PLAGL1: variants seen among roughly 807,000 people sequenced by gnomAD.
PLAGL1 encodes the protein zinc finger protein PLAGL1.
PLAGL1 carries 1 observed loss-of-function variant against 4.6 expected under a neutral mutation model. That is an observed-to-expected ratio of 0.22 (90% CI 0.08 to 1.03). The LOEUF is 1.03. PLAGL1 is among the 50% of genes least tolerant of loss of function. The probability of loss-of-function intolerance (pLI) is 0.58; values close to 1 mark genes in which losing one functional copy is unlikely to be tolerated. For missense variants in PLAGL1, 464 were observed against 570.4 expected (o/e 0.81, Z 1.90); for synonymous variants, 240 against 237.8 (o/e 1.01, Z -0.08).
At chr6:143,943,789 A>G (rs1779161244) in intron 7 of PLAGL1, among the ~76,000 whole-genome samples, 1 of 152,232 alleles carries the variant, frequency 6.6e-6, no homozygotes, top group African/African-American at 2.4e-5. Flanking sequence ...TCAATTTGGA[A>G]TTTCAAAATA....
Position 143,948,243 on chromosome 6 carries a change from C to T in PLAGL1, c.-107G>A. 1 of 1,033,890 alleles carries T rather than the reference C, an allele frequency of 9.7e-7. No individual in the cohort carries two copies. Among genetic ancestry groups the T allele is most frequent in the Non-Finnish European group, 1.5e-6 (1 of 688,114 alleles). 64.0% of individuals were successfully genotyped at this position (1,033,890 alleles called of 1,614,324 possible). On this transcript the variant is annotated 5_prime_UTR_variant, in exon 7 of 8. Coordinates refer to ENST00000674357, the MANE Select transcript of PLAGL1 (RefSeq NM_001317162.2). The surrounding 1 kb of genome is among the most constrained non-coding windows in gnomAD (Gnocchi z 6.0). ...GGGCACATCAGCAGAGTCCCTGCAG[C>T]TGAACTCCAGACCACGGGAGAGGCA...
In PLAGL1 at chr6:143,958,633, A is replaced by G. The variant is rs1201720568; in HGVS notation, c.-325+1836T>C. Among the ~76,000 whole-genome samples the G allele has an allele frequency of 6.6e-6, 1 of 152,340 alleles. No homozygotes were observed. Among genetic ancestry groups the G allele is most frequent in the Non-Finnish European group, 1.5e-5 (1 of 68,028 alleles). ...ATGTCCAATAAATTCAAAGGATGCA[A>G]AGCAAATTGTTCATCCAGGAATAGT... On this transcript the variant is annotated intron_variant, in intron 6 of 7. Transcript: ENST00000674357. This position sits in a 1 kb window ranked among gnomAD's most constrained non-coding sequence, Gnocchi z 5.1.
Position 144,015,689 on chromosome 6 carries a change from T to C in PLAGL1, c.-150-46711A>G, listed in dbSNP as rs1007097987. Among the ~76,000 whole-genome samples, 4 of 151,534 alleles carry C rather than the reference T, an allele frequency of 2.6e-5. No individual in the cohort carries two copies. Among genetic ancestry groups the C allele is most frequent in the Admixed American group, 1.3e-4 (2 of 15,220 alleles). On this transcript the variant is annotated intron_variant, in intron 1 of 3. Transcript: ENST00000437412. This position sits in a 1 kb window ranked among gnomAD's most constrained non-coding sequence, Gnocchi z 4.3. ...AAAACTACAGTGAAATACCGCTACA[T>C]ACCCACTGGAAAGGCTAAAGTTGAA...
chr6:143,945,642 A>AT lies in PLAGL1; in HGVS notation c.152+2342dup, dbSNP rs1336308655. Among the ~76,000 whole-genome samples, 1 of 152,038 alleles carries AT rather than the reference A, an allele frequency of 6.6e-6. No homozygotes were observed. The highest frequency in any genetic ancestry group is 1.5e-5 in the Non-Finnish European group (1 of 68,002). On this transcript the variant is annotated intron_variant, in intron 7 of 7. Coordinates refer to ENST00000674357, the MANE Select transcript of PLAGL1 (RefSeq NM_001317162.2). The surrounding 1 kb of genome is among the most constrained non-coding windows in gnomAD (Gnocchi z 4.2). ...AGGCGTGTACCACCACGCCCAGCTA[A>AT]TTTTTTGTATTTTTAGTAGAGACGG... is the stretch of plus-strand genomic sequence containing the variant.
At chr6:144,029,084 G>A (rs539652449) in intron 1 of PLAGL1, among the ~76,000 whole-genome samples, 4 of 152,098 alleles carry the variant, frequency 2.6e-5, no homozygotes, top group East Asian at 3.9e-4. Context: ...TTATTTATAC[G>A]AGTTGCATAA....
chr6:144,046,818 A>G (rs975188614), intron 1 of PLAGL1, among the ~76,000 whole-genome samples: 2 of 152,226 alleles, frequency 1.3e-5, no homozygotes, highest in Non-Finnish European at 2.9e-5. Context: ...AGAGGCAGGC[A>G]GGCAGGCCTC....
In PLAGL1 at chr6:143,948,097, G is replaced by A. The variant is rs1365511524; in HGVS notation, c.40C>T (p.Leu14Phe). 10 of 1,613,956 alleles carry A rather than the reference G, an allele frequency of 6.2e-6. No individual in the cohort carries two copies. The highest frequency in any genetic ancestry group is 8.5e-6 in the Non-Finnish European group (10 of 1,179,916). ...FPCQLCGKTFLTLEKFTIHNY... is the reference protein window; with the variant it reads ...FPCQLCGKTFFTLEKFTIHNY... Reference sequence around the variant, plus strand: ...TGAATCGTGAACTTCTCCAGGGTGAGGAACGTCTTGCCACATAACTGGCAG... The same window carrying A: ...TGAATCGTGAACTTCTCCAGGGTGAAGAACGTCTTGCCACATAACTGGCAG... Residue 14 changes from leucine to phenylalanine, a missense_variant, in exon 7 of 8, where the codon CTC becomes TTC. Leu to Phe is a conservative substitution (Grantham distance 22, BLOSUM62 0). Transcript: ENST00000674357. The surrounding 1 kb of genome is among the most constrained non-coding windows in gnomAD (Gnocchi z 6.0).
chr6:143,998,717 T>C (rs764607261), intron 1 of PLAGL1, among the ~76,000 whole-genome samples: 2 of 151,774 alleles, frequency 1.3e-5, no homozygotes, highest in Admixed American at 6.6e-5. Flanking sequence ...GCTAGTAGGG[T>C]TGTAGAGTGA....
chr6:144,019,264 G>C (rs1178682918), intron 1 of PLAGL1, among the ~76,000 whole-genome samples: 1 of 152,106 alleles, frequency 6.6e-6, no homozygotes, highest in Non-Finnish European at 1.5e-5. Flanking sequence ...ACGAGGTCAG[G>C]AGTTCAAGAT....
intron 1 of PLAGL1, among the ~76,000 whole-genome samples, chr6:144,017,043 C>T (rs1795611961): frequency 6.6e-6 from 1 of 152,110 alleles, no homozygotes; most frequent in Non-Finnish European, 1.5e-5. Flanking sequence ...AGAACAGCCT[C>T]ATTATGGCAT....
intron 1 of PLAGL1, among the ~76,000 whole-genome samples, chr6:144,047,702 G>A (rs1405137323): frequency 6.6e-6 from 1 of 152,132 alleles, no homozygotes; most frequent in Non-Finnish European, 1.5e-5. Context: ...CTCAACACGT[G>A]GGGATTGTGA....
At chr6:143,946,306 ATCTCT>A (rs745477985) in intron 7 of PLAGL1, among the ~76,000 whole-genome samples, 18 of 152,194 alleles carry the variant, frequency 1.2e-4, no homozygotes, top group Non-Finnish European at 2.1e-4. Flanking sequence ...CTAAACATTG[ATCTCT>A]TCTATGTGTC....
In PLAGL1 at chr6:143,941,362, T is replaced by TGACA; in HGVS notation, c.*58_*61dup. ...TTCCAAATCTTTCTCATATTGTAAC[T>TGACA]GACATTTAAAATGCTTCTTAAAACA... On this transcript the variant is annotated 3_prime_UTR_variant, in exon 8 of 8. Coordinates refer to ENST00000674357, the MANE Select transcript of PLAGL1 (RefSeq NM_001317162.2). This position sits in a 1 kb window ranked among gnomAD's most constrained non-coding sequence, Gnocchi z 6.0. The TGACA allele has an allele frequency of 7.7e-7, 1 of 1,293,132 alleles. No individual in the cohort carries two copies. The highest frequency in any genetic ancestry group is 1.1e-6 in the Non-Finnish European group (1 of 950,478). The allele number at this position is 1,293,132 out of a possible 1,614,324, so 80.1% of individuals were successfully genotyped here.
intron 3 of PLAGL1, chr6:143,967,996 G>GAAAA (rs1583279839): frequency 3.7e-5 from 1 of 26,842 alleles, no homozygotes; most frequent in Non-Finnish European, 9.3e-5. Flanking sequence ...AGGACATTTT[G>GAAAA]CAAAAAAAAA....
Position 144,053,381 on chromosome 6 carries a change from A to G in PLAGL1, c.-151+11087T>C, listed in dbSNP as rs1320039373. On this transcript the variant is annotated intron_variant, in intron 1 of 3. Coordinates refer to the PLAGL1 transcript ENST00000437412. This position sits in a 1 kb window ranked among gnomAD's most constrained non-coding sequence, Gnocchi z 4.0. ...AACTCCTGACCTCAGGTGATCAGCC[A>G]CGATGGCCTCCCAAATTGCTGGTGT... Among the ~76,000 whole-genome samples, 1 of 152,152 alleles carries G rather than the reference A, an allele frequency of 6.6e-6. No homozygotes were observed. Among genetic ancestry groups the G allele is most frequent in the Non-Finnish European group, 1.5e-5 (1 of 68,026 alleles).
At position 143,974,171 on chromosome 6, in the gene PLAGL1, C is replaced by T. The variant is rs563262597; in HGVS notation, c.-543-5193G>A. ...ATTGAATTCTGAATTGCTTATTTCA[C>T]ACCTTCATGGAACCCTATAACAAAA... On this transcript the variant is annotated intron_variant, in intron 2 of 7. Transcript: ENST00000674357. 9.2e-5 allele frequency among the ~76,000 whole-genome samples: 14 copies of T among 152,338 alleles called. No individual in the cohort carries two copies. In the South Asian group the frequency reaches 2.3e-3, roughly 25 times the overall value.
In PLAGL1 at chr6:143,949,546, C is replaced by G. The variant is rs1468451978; in HGVS notation, c.-324-1086G>C. 6.6e-6 allele frequency among the ~76,000 whole-genome samples: 1 copy of G among 152,236 alleles called. No homozygotes were observed. Among genetic ancestry groups the G allele is most frequent in the Non-Finnish European group, 1.5e-5 (1 of 68,038 alleles). On this transcript the variant is annotated intron_variant, in intron 6 of 7. Transcript: ENST00000674357. The surrounding 1 kb of genome is among the most constrained non-coding windows in gnomAD (Gnocchi z 5.3). ...CAGCAGGTTTCAAATCGGCCTCTAC[C>G]TGCCACTACCTGCCAGGGTAAAGCC...
chr6:144,029,883 T>G (rs1342936843), intron 1 of PLAGL1, among the ~76,000 whole-genome samples: 1 of 152,234 alleles, frequency 6.6e-6, no homozygotes, highest in Non-Finnish European at 1.5e-5. Context: ...GTAGATAAAC[T>G]AACATGTTCA....
chr6:143,962,247 C>T lies in PLAGL1; in HGVS notation c.-398-1705G>A, dbSNP rs978666280. Among the ~76,000 whole-genome samples the T allele has an allele frequency of 6.6e-6, 1 of 152,186 alleles. No homozygotes were observed. Among genetic ancestry groups the T allele is most frequent in the African/African-American group, 2.4e-5 (1 of 41,448 alleles). On this transcript the variant is annotated intron_variant, in intron 5 of 7. Coordinates refer to ENST00000674357, the MANE Select transcript of PLAGL1 (RefSeq NM_001317162.2). The surrounding 1 kb of genome is among the most constrained non-coding windows in gnomAD (Gnocchi z 5.3). ...AGCAGAGAACAGACAGGAAAAATAA[C>T]ACATCTCAGTTTGACAGGATGCTAC...
Sources: allele counts gnomAD v4.1 joint callset (sites outside exome capture counted in the v4.1 genomes callset), GRCh38; gene constraint gnomAD v4.1.1; non-coding constraint Gnocchi (gnomAD v3.1); transcripts MANE v1.5; gene names NCBI Gene and HGNC (gene_info 2026-07-23, HGNC 2026-07-21).